Variants in FRMD3 observed in about 807,000 individuals in gnomAD.
The protein encoded by FRMD3 is FERM domain containing 3.
FRMD3 carries 33 observed loss-of-function variants against 70.2 expected under a neutral mutation model. The ratio of observed to expected loss-of-function variants is 0.47; its 90% CI spans 0.36 to 0.63. The LOEUF is 0.63. Ranked by LOEUF, FRMD3 falls within the 20% of genes least tolerant of loss-of-function variation. The probability of loss-of-function intolerance (pLI) is 0.00; values close to 1 mark genes in which losing one functional copy is unlikely to be tolerated. For synonymous variants in FRMD3, 279 were observed against 255.9 expected, an observed-to-expected ratio of 1.09 and a Z score of -0.86; for missense variants, 632 against 711.4, an observed-to-expected ratio of 0.89 and a Z score of 1.27.
At chr9:83,582,369 T>C in the FRMD3 span, among the ~76,000 whole-genome samples, 1 of 152,250 alleles carries the variant, frequency 6.6e-6, no homozygotes, top group Non-Finnish European at 1.5e-5. Context: ...ATTTAGTTCA[T>C]TAAAGTGATA....
At chr9:83,426,065 T>C (rs1009473647) in intron 1 of FRMD3, among the ~76,000 whole-genome samples, 1 of 152,108 alleles carries the variant, frequency 6.6e-6, no homozygotes, top group African/African-American at 2.4e-5. Context: ...ATTCAGAATC[T>C]GGGGCTAATT....
intron 5 of FRMD3, among the ~76,000 whole-genome samples, chr9:83,342,043 A>ATCTCTCTC (rs112748690): frequency 0.053 from 7,354 of 139,646 alleles, 242 homozygotes; most frequent in African/African-American, 0.069. Flanking sequence ...TGACATAGTC[A>ATCTCTCTC]TCTCTCTCTC....
chr9:83,371,156 C>T (rs2375922), intron 3 of FRMD3, among the ~76,000 whole-genome samples: 16,382 of 152,032 alleles, frequency 0.11, 1,344 homozygotes, highest in East Asian at 0.45. Context: ...ATTTGTTATA[C>T]TGAAAAATAG....
chr9:83,495,686 T>G (rs777325177), intron 1 of FRMD3, among the ~76,000 whole-genome samples: 13 of 152,212 alleles, frequency 8.5e-5, no homozygotes, highest in Non-Finnish European at 1.5e-4. Context: ...ATGATAGGTA[T>G]AGTAAGCATC....
chr9:83,361,829 C>T (rs895577798), intron 3 of FRMD3, among the ~76,000 whole-genome samples: 1 of 152,080 alleles, frequency 6.6e-6, no homozygotes, highest in African/African-American at 2.4e-5. Context: ...AAGATGGAGG[C>T]AGAGTGTGGA....
chr9:83,322,570 G>C (rs1835841832), intron 6 of FRMD3, among the ~76,000 whole-genome samples: 1 of 152,160 alleles, frequency 6.6e-6, no homozygotes. Context: ...CCCAGCAGAG[G>C]CCACTGTAGG....
chr9:83,287,968 T>TA (rs1834282972), intron 13 of FRMD3, among the ~76,000 whole-genome samples: 1 of 152,232 alleles, frequency 6.6e-6, no homozygotes, highest in Non-Finnish European at 1.5e-5. Flanking sequence ...CTACAGGGTG[T>TA]ACAACTTGTA....
chr9:83,387,553 T>G (rs960264406), intron 2 of FRMD3, among the ~76,000 whole-genome samples: 1 of 152,194 alleles, frequency 6.6e-6, no homozygotes, highest in African/African-American at 2.4e-5. Context: ...TCATTTAGAA[T>G]TGAATTTTGC....
intron 1 of FRMD3, among the ~76,000 whole-genome samples, chr9:83,399,079 T>C (rs924015928): frequency 1.3e-5 from 2 of 152,170 alleles, no homozygotes; most frequent in Non-Finnish European, 2.9e-5. Context: ...AGAGGCTTAA[T>C]AGTATTAAAG....
intron 1 of FRMD3, among the ~76,000 whole-genome samples, chr9:83,491,537 C>G (rs1352142651): frequency 1.3e-5 from 2 of 152,106 alleles, no homozygotes; most frequent in African/African-American, 4.8e-5. Context: ...ATGCCACATG[C>G]CCAGGGGTCA....
chr9:83,567,952 T>A, the FRMD3 span, among the ~76,000 whole-genome samples: 3 of 152,238 alleles, frequency 2.0e-5, no homozygotes, highest in Non-Finnish European at 4.4e-5. Context: ...TTTTCAGGTA[T>A]CTTTTCAGTA....
chr9:83,399,184 T>C (rs1001481241), intron 1 of FRMD3, among the ~76,000 whole-genome samples: 3 of 152,236 alleles, frequency 2.0e-5, no homozygotes, highest in African/African-American at 7.2e-5. Flanking sequence ...CAGTTTTTCA[T>C]CTGAATCCTA....
intron 3 of FRMD3, among the ~76,000 whole-genome samples, chr9:83,355,841 T>A (rs967966380): frequency 6.0e-4 from 91 of 151,874 alleles, no homozygotes; most frequent in Non-Finnish European, 1.3e-3. Flanking sequence ...ACCACCAGAG[T>A]AGCAGAGAAG....
chr9:83,374,852 T>C (rs1825092712), intron 2 of FRMD3, among the ~76,000 whole-genome samples: 3 of 152,210 alleles, frequency 2.0e-5, no homozygotes, highest in African/African-American at 4.8e-5. Flanking sequence ...ATTACTTTTC[T>C]AGAAATAAAT....
At chr9:83,421,482 TA>T (rs1160779136) in intron 1 of FRMD3, among the ~76,000 whole-genome samples, 1 of 152,156 alleles carries the variant, frequency 6.6e-6, no homozygotes, top group East Asian at 1.9e-4. Context: ...CAGAAAAAAT[TA>T]TTTGCTAGCA....
intron 13 of FRMD3, among the ~76,000 whole-genome samples, chr9:83,282,831 T>C (rs1414826551): frequency 6.6e-6 from 1 of 152,182 alleles, no homozygotes; most frequent in Non-Finnish European, 1.5e-5. Context: ...ATTAGCCAAC[T>C]ACAAAATTGA....
chr9:83,248,318 A>C lies in FRMD3; in HGVS notation c.1394T>G (p.Met465Arg). 6.2e-7 allele frequency: 1 copy of C among 1,614,190 alleles called. No individual in the cohort carries two copies. ...PTPVDDDEID[M>R]LFDCPSRLEL... ...AAGCCTAGAAGGACAGTCAAAGAGC[A>C]TGTCAATCTCATCGTCATCCACAGG... The change falls in exon 14 of 14, where the codon ATG becomes AGG. Residue 465 changes from methionine (M) to arginine (R), a missense_variant. Physicochemically the swap from Met to Arg is moderately conservative, Grantham distance 91. Coordinates refer to ENST00000304195, the MANE Select transcript of FRMD3 (RefSeq NM_174938.6).
At position 83,312,718 on chromosome 9, in the gene FRMD3, G is replaced by A. The variant is rs1358084690; in HGVS notation, c.685-743C>T. Among the ~76,000 whole-genome samples the A allele has an allele frequency of 2.0e-5, 3 of 152,112 alleles. No homozygotes were observed. In the South Asian group the frequency reaches 6.2e-4, roughly 31 times the overall value. ...CTTGGCTGCACATTGGAAACACCTG[G>A]GTAGCCTGGTCGCCGCACCCACCAC... On this transcript the variant is annotated intron_variant, in intron 7 of 13. Transcript: ENST00000304195.
intron 13 of FRMD3, among the ~76,000 whole-genome samples, chr9:83,255,593 C>CCCTG (rs1832668784): frequency 6.6e-6 from 1 of 151,498 alleles, no homozygotes; most frequent in Non-Finnish European, 1.5e-5. Flanking sequence ...GTCAAATTAT[C>CCCTG]TTTATTTGAC....
Sources: gnomAD v4.1 joint callset for allele counts (sites outside exome capture counted in the v4.1 genomes callset) on GRCh38, gnomAD v4.1.1 for gene constraint, MANE v1.5 for transcripts, NCBI Gene and HGNC (gene_info 2026-07-23, HGNC 2026-07-21) for gene names.